Variants in ZNF202 observed in about 807,000 individuals in gnomAD.
ZNF202 encodes the protein zinc finger protein 202.
Under a neutral mutation model 54.5 loss-of-function variants are expected in ZNF202, and 22 were observed. The ratio of observed to expected loss-of-function variants is 0.40; its 90% CI spans 0.29 to 0.58. The LOEUF is 0.58. Among genes scored for constraint, ZNF202 ranks in the 20% least tolerant of loss-of-function variants. ZNF202 has a pLI of 0.39. For missense variants in ZNF202, 644 were observed against 805.5 expected (o/e 0.80, Z 2.43); for synonymous variants, 294 against 301.4 (o/e 0.98, Z 0.26).
chr11:123,732,460 T>C (rs74780546), intron 3 of ZNF202, among the ~76,000 whole-genome samples: 329 of 152,358 alleles, frequency 2.2e-3, no homozygotes, highest in African/African-American at 7.6e-3. Context: ...TCTTTAGCTT[T>C]TGAATATGCT....
intron 3 of ZNF202, among the ~76,000 whole-genome samples, chr11:123,735,510 G>C (rs1861594773): frequency 1.3e-5 from 2 of 152,304 alleles, no homozygotes; most frequent in South Asian, 4.1e-4. Context: ...TAGAAGGAAT[G>C]AAGGAAGGAG....
rs1050330168 is a variant in ZNF202, at chr11:123,737,430, G to C, written c.-98+2687C>G. Among the ~76,000 whole-genome samples the C allele has an allele frequency of 5.9e-5, 9 of 152,052 alleles. 1 individual carries two copies. Among genetic ancestry groups the C allele is most frequent in the Admixed American group, 5.2e-4 (8 of 15,272 alleles). On this transcript the variant is annotated intron_variant, in intron 3 of 8. Transcript: ENST00000530393. The stretch of plus-strand genomic sequence containing the variant: ...CATAAAAGTGATATTTGAGTAGTGA[G>C]GGGAGAAATGGCTCAAAATTTGTTA...
At chr11:123,736,206 A>G (rs1827525987) in intron 3 of ZNF202, among the ~76,000 whole-genome samples, 2 of 152,144 alleles carry the variant, frequency 1.3e-5, no homozygotes, top group African/African-American at 2.4e-5. Context: ...CAATGAAACA[A>G]TATCTAGTTC....
At chr11:123,729,525 G>T in intron 5 of ZNF202, 90 bp downstream of exon 5, 1 of 1,381,312 alleles carries the variant, frequency 7.2e-7, no homozygotes, top group Non-Finnish European at 9.6e-7. Context: ...TATCTACCCA[G>T]CTTCCTTGGT....
intron 3 of ZNF202, chr11:123,739,629 T>C (rs1488653239): frequency 3.3e-5 from 5 of 152,252 alleles, no homozygotes; most frequent in African/African-American, 1.2e-4. Context: ...TTGTTTTAAG[T>C]ACGCTTTCTT....
chr11:123,740,945 C>G (rs972080140), intron 1 of ZNF202, among the ~76,000 whole-genome samples: 5 of 151,820 alleles, frequency 3.3e-5, no homozygotes, highest in African/African-American at 1.2e-4. Flanking sequence ...GAGGGGACCT[C>G]AGGGTCTGTC....
chr11:123,726,568 C>T lies in ZNF202; in HGVS notation c.1376G>A (p.Arg459Gln), dbSNP rs747452475. The T allele has an allele frequency of 5.6e-6, 9 of 1,614,068 alleles. No homozygotes were observed. Among genetic ancestry groups the T allele is most frequent in the African/African-American group, 1.3e-5 (1 of 74,920 alleles). ...AGGGGAGGTCTCTTCCAAATTCTTC[C>T]GGTTTAGGGGATATTTGTAAGGCGC... Reference protein sequence around the residue: ...MNAPYKYPLNRKNLEETSPVT... With the variant: ...MNAPYKYPLNQKNLEETSPVT... Residue 459 changes from arginine to glutamine, a missense_variant, in exon 9 of 9, where the codon CGG (arginine) becomes CAG (glutamine). Physicochemically the swap from Arg to Gln is conservative, Grantham distance 43. Around this residue, in one of 3 missense-constraint regions of ZNF202, gnomAD observed 536 missense variants for 635.3 expected, o/e 0.84. Transcript: ENST00000530393. The surrounding 1 kb of genome is among the most constrained non-coding windows in gnomAD (Gnocchi z 6.0).
chr11:123,737,382 C>G (rs1263049631), intron 3 of ZNF202, among the ~76,000 whole-genome samples: 1 of 152,134 alleles, frequency 6.6e-6, no homozygotes, highest in Non-Finnish European at 1.5e-5. Context: ...ATTTTTGCCA[C>G]CTAAGTTTCC....
chr11:123,727,615 T>C lies in ZNF202; in HGVS notation c.833-20A>G, dbSNP rs370204349. The C allele has an allele frequency of 1.2e-5, 19 of 1,613,526 alleles. No individual in the cohort carries two copies. The highest frequency in any genetic ancestry group is 6.7e-5 in the Admixed American group (4 of 59,972). On this transcript the variant is annotated intron_variant, in intron 7 of 8. Transcript: ENST00000530393. The stretch of plus-strand genomic sequence containing the variant: ...GAAATGCTGCTCAAGAGAGGGAAAA[T>C]AGGATATCACGATTGGCTCAACAAT...
chr11:123,736,934 A>G (rs1327837108), intron 3 of ZNF202, among the ~76,000 whole-genome samples: 1 of 152,218 alleles, frequency 6.6e-6, no homozygotes, highest in African/African-American at 2.4e-5. Flanking sequence ...AGAAGGCAAG[A>G]TTTAAATGAT....
chr11:123,736,204 C>G lies in ZNF202; in HGVS notation c.-98+3913G>C, dbSNP rs187108455. The stretch of plus-strand genomic sequence containing the variant: ...GAACAGAAAACCACAGGCAATGAAA[C>G]AATATCTAGTTCTCTACCTTAAAAC... On this transcript the variant is annotated intron_variant, in intron 3 of 8. Transcript: ENST00000530393. Among the ~76,000 whole-genome samples the G allele has an allele frequency of 1.1e-3, 171 of 152,280 alleles. 2 individuals carry two copies. Among genetic ancestry groups the G allele is most frequent in the East Asian group, 5.8e-3 (30 of 5,182 alleles).
At chr11:123,731,978 T>C (rs1171477806) in intron 3 of ZNF202, among the ~76,000 whole-genome samples, 3 of 152,230 alleles carry the variant, frequency 2.0e-5, no homozygotes, top group Non-Finnish European at 4.4e-5. Context: ...TTATAAAAAA[T>C]GCATTGCTGA....
intron 6 of ZNF202, among the ~76,000 whole-genome samples, chr11:123,728,486 CTTT>C (rs1448215994): frequency 6.8e-6 from 1 of 147,996 alleles, no homozygotes; most frequent in Non-Finnish European, 1.5e-5. Flanking sequence ...TGTTCTTCTT[CTTT>C]AAGGTATTGT....
Position 123,729,231 on chromosome 11 carries a change from G to C in ZNF202, c.614-17C>G. 1 of 1,609,582 alleles carries C rather than the reference G, an allele frequency of 6.2e-7. No homozygotes were observed. The highest frequency in any genetic ancestry group is 8.5e-7 in the Non-Finnish European group (1 of 1,178,838). On this transcript the variant is annotated splice_polypyrimidine_tract_variant and intron_variant, in intron 5 of 8. Transcript: ENST00000530393. ...CTGGGACCTCTATGAAGAAAAGAAG[G>C]CAAAGATCAGTAATATGCAGCATGC...
rs1296854156 is a variant in ZNF202, at chr11:123,730,828, C to T, written c.61G>A (p.Val21Met). 3.1e-6 allele frequency: 5 copies of T among 1,614,090 alleles called. No homozygotes were observed. Among genetic ancestry groups the T allele is most frequent in the Non-Finnish European group, 4.2e-6 (5 of 1,180,056 alleles). The change falls in exon 4 of 9, where the codon GTG becomes ATG. Residue 21 changes from valine to methionine, a missense_variant. By Grantham distance (21) the Val-to-Met change is conservative (BLOSUM62 1). Transcript: ENST00000530393. This position sits in a 1 kb window ranked among gnomAD's most constrained non-coding sequence, Gnocchi z 6.0. ...DLWEEEGILM[V>M]KLEDDFTCRP... ...CAGGTGAAATCATCTTCCAGTTTCA[C>T]CATCAGAATTCCCTCTTCTTCCCAA...
rs1242626936 is a variant in ZNF202, at chr11:123,724,533, G to A, written c.*1464C>T. ...CGGGCCCATAATGCATTATGAGATAGAGGAGAAGAAACCAGGCACAGAAGA... is the reference window on the plus strand; with the variant it reads ...CGGGCCCATAATGCATTATGAGATAAAGGAGAAGAAACCAGGCACAGAAGA... On this transcript the variant is annotated 3_prime_UTR_variant, in exon 9 of 9. Transcript: ENST00000530393. The A allele has an allele frequency of 6.6e-6, 1 of 152,148 alleles. No individual in the cohort carries two copies. Among genetic ancestry groups the A allele is most frequent in the Non-Finnish European group, 1.5e-5 (1 of 68,032 alleles). 9.4% of individuals were successfully genotyped at this position (152,148 alleles called of 1,614,324 possible).
At chr11:123,734,117 G>A (rs950951857) in intron 3 of ZNF202, among the ~76,000 whole-genome samples, 3 of 151,844 alleles carry the variant, frequency 2.0e-5, no homozygotes, top group Non-Finnish European at 4.4e-5. Flanking sequence ...GAGAGAGAGA[G>A]AGAGACAGAC....
At position 123,727,373 on chromosome 11, in the gene ZNF202, T is replaced by C. The variant is rs1861197584; in HGVS notation, c.952+103A>G. ...AGGGAGAAAGCAGTACTGGCTGACA[T>C]GTTAGAAGAACTGATGAGAGCGGGG... On this transcript the variant is annotated intron_variant, in intron 8 of 8. Transcript: ENST00000530393. 4 of 1,498,166 alleles carry C rather than the reference T, an allele frequency of 2.7e-6. No homozygotes were observed. In the African/African-American group the frequency reaches 4.2e-5, roughly 16 times the overall value. 92.8% of individuals were successfully genotyped at this position (1,498,166 alleles called of 1,614,324 possible).
At chr11:123,732,304 C>T (rs538974274) in intron 3 of ZNF202, among the ~76,000 whole-genome samples, 2 of 152,284 alleles carry the variant, frequency 1.3e-5, no homozygotes, top group African/African-American at 4.8e-5. Flanking sequence ...CATCACTCCC[C>T]GCTGTCTTGT....
Sources: allele counts gnomAD v4.1 joint callset (sites outside exome capture counted in the v4.1 genomes callset), GRCh38; gene constraint gnomAD v4.1.1; regional missense constraint gnomAD v4.1.1; non-coding constraint Gnocchi (gnomAD v3.1); transcripts MANE v1.5; gene names NCBI Gene and HGNC (gene_info 2026-07-23, HGNC 2026-07-21).